Variants in HECTD4 observed in about 807,000 individuals in gnomAD.
HECTD4 encodes HECT domain E3 ubiquitin protein ligase 4.
Under a neutral mutation model 471.5 loss-of-function variants are expected in HECTD4, and 114 were observed. The ratio of observed to expected loss-of-function variants is 0.24; its 90% CI spans 0.21 to 0.28. The LOEUF (loss-of-function observed/expected upper bound fraction) is 0.28. HECTD4 is among the 10% of genes least tolerant of loss of function. The pLI is 1.00. For missense variants in HECTD4, 3,866 were observed against 5,651.5 expected (o/e 0.68, Z 10.13); for synonymous variants, 2,012 against 2,256.0 (o/e 0.89, Z 3.07).
intron 43 of HECTD4, among the ~76,000 whole-genome samples, chr12:112,227,375 G>A (rs988829540): frequency 1.3e-5 from 2 of 152,082 alleles, no homozygotes; most frequent in South Asian, 4.2e-4. Flanking sequence ...CAGGAGAATC[G>A]CTTGAACTAG....
At chr12:112,317,381 T>C (rs2035500495) in intron 2 of HECTD4, among the ~76,000 whole-genome samples, 1 of 152,180 alleles carries the variant, frequency 6.6e-6, no homozygotes, top group African/African-American at 2.4e-5. Context: ...ATTCAATCAT[T>C]TGAAGGTCAA....
chr12:112,324,382 A>G (rs1030111700), intron 1 of HECTD4, among the ~76,000 whole-genome samples: 2 of 151,790 alleles, frequency 1.3e-5, no homozygotes, highest in African/African-American at 4.8e-5. Flanking sequence ...AGCCTCCCAA[A>G]GTGCTAAGAG....
Position 112,162,526 on chromosome 12 carries a change from A to G in HECTD4, c.13121-3T>C, listed in dbSNP as rs1337389291. ...GATGTAGCGAGAGTCTGGGGAACCT[A>G]CAAGAAACCGAGCCAGCATCAGAGG... On this transcript the variant is annotated splice_region_variant and splice_polypyrimidine_tract_variant and intron_variant, in intron 75 of 75. Transcript: ENST00000682272. This position sits in a 1 kb window ranked among gnomAD's most constrained non-coding sequence, Gnocchi z 5.2. The G allele has an allele frequency of 6.2e-7, 1 of 1,613,956 alleles. No individual in the cohort carries two copies. Among genetic ancestry groups the G allele is most frequent in the East Asian group, 2.2e-5 (1 of 44,866 alleles).
At chr12:112,296,357 G>T (rs1036308239) in intron 7 of HECTD4, among the ~76,000 whole-genome samples, 3 of 151,550 alleles carry the variant, frequency 2.0e-5, no homozygotes, top group African/African-American at 7.3e-5. Flanking sequence ...GAGGGTATAG[G>T]CGCAGCAAGT....
rs764894444 is a variant in HECTD4 at position 112,248,280 on chromosome 12, C to T, written c.4143+40G>A. On this transcript the variant is annotated intron_variant, in intron 26 of 75. Coordinates refer to ENST00000682272, the MANE Select transcript of HECTD4 (RefSeq NM_001388303.1). ...TCACATTCTAAATTTCTTTAAATTT[C>T]CATAAAAGAAATTGTTTCCAACAGT... 1.8e-5 allele frequency: 28 copies of T among 1,534,986 alleles called. No individual in the cohort carries two copies. The South Asian group carries it at 3.3e-4, about 18-fold the overall frequency.
At chr12:112,237,546 G>C (rs1043032915) in intron 34 of HECTD4, among the ~76,000 whole-genome samples, 1 of 151,768 alleles carries the variant, frequency 6.6e-6, no homozygotes, top group Non-Finnish European at 1.5e-5. Context: ...CTTTTAGATC[G>C]CTGAGTCTAC....
intron 34 of HECTD4, among the ~76,000 whole-genome samples, chr12:112,237,630 C>G (rs1450577036): frequency 2.6e-5 from 4 of 152,202 alleles, no homozygotes; most frequent in Non-Finnish European, 4.4e-5. Context: ...CTCTGGGAAG[C>G]TTTGCTGGAT....
At chr12:112,245,727 A>C (rs566731289) in intron 29 of HECTD4, among the ~76,000 whole-genome samples, 3 of 152,362 alleles carry the variant, frequency 2.0e-5, no homozygotes, top group South Asian at 2.1e-4. Context: ...ATTTAACTTT[A>C]TCTCTCAGGT....
Position 112,382,157 on chromosome 12 carries a change from A to C in HECTD4, c.-29T>G, listed in dbSNP as rs1280459240. ...CCCGGCTGAAGGCTTGGCGCTGAGG[A>C]GCAGACGCCCGGCCGGGGGAAACGG... is the stretch of plus-strand genomic sequence containing the variant. On this transcript the variant is annotated 5_prime_UTR_variant, in exon 1 of 76. Coordinates refer to ENST00000682272, the MANE Select transcript of HECTD4 (RefSeq NM_001388303.1). 4.1e-6 allele frequency: 5 copies of C among 1,213,204 alleles called. No homozygotes were observed. Among genetic ancestry groups the C allele is most frequent in the African/African-American group, 1.6e-5 (1 of 61,714 alleles). The allele number at this position is 1,213,204 out of a possible 1,614,324, so 75.2% of individuals were successfully genotyped here. A position where few individuals can be genotyped will look rare whatever the true frequency, so the allele number is the denominator to read the frequency against.
intron 7 of HECTD4, among the ~76,000 whole-genome samples, chr12:112,304,120 C>T (rs904174223): frequency 6.0e-5 from 9 of 148,842 alleles, no homozygotes; most frequent in African/African-American, 2.2e-4. Flanking sequence ...AGCCTGTATC[C>T]AAAAAGAAAA....
At chr12:112,206,173 C>T (rs925317130) in intron 52 of HECTD4, among the ~76,000 whole-genome samples, 1 of 152,018 alleles carries the variant, frequency 6.6e-6, no homozygotes, top group African/African-American at 2.4e-5. Context: ...TGCCTTAGGC[C>T]CCACAGTGCC....
chr12:112,287,789 C>G (rs1193134270), intron 7 of HECTD4, among the ~76,000 whole-genome samples: 2 of 152,166 alleles, frequency 1.3e-5, no homozygotes, highest in South Asian at 2.1e-4. Context: ...AGAAGATTCT[C>G]AAGCAGGAAT....
intron 1 of HECTD4, among the ~76,000 whole-genome samples, chr12:112,343,894 C>T (rs1419220145): frequency 6.6e-6 from 1 of 152,002 alleles, no homozygotes; most frequent in Non-Finnish European, 1.5e-5. Context: ...AAGCTGAGGC[C>T]AGATATTGAG....
chr12:112,163,041 C>T lies in HECTD4; in HGVS notation c.13120+1G>A. 6.2e-7 allele frequency: 1 copy of T among 1,603,328 alleles called. No individual in the cohort carries two copies. ...GGGACATGGCCAGGGGAGGGCGGTA[C>T]CTGCTGTGCCATCTGGGGGGGCGAT... On this transcript the variant is annotated splice_donor_variant, in intron 75 of 75. Transcript: ENST00000682272. LOFTEE classifies it high-confidence loss of function. The surrounding 1 kb of genome is among the most constrained non-coding windows in gnomAD (Gnocchi z 8.2).
chr12:112,379,677 G>C (rs1028408605), intron 1 of HECTD4, among the ~76,000 whole-genome samples: 2 of 151,768 alleles, frequency 1.3e-5, no homozygotes, highest in Non-Finnish European at 2.9e-5. Flanking sequence ...CTGGGCAACA[G>C]AGAGAGACCC....
intron 38 of HECTD4, 52 bp downstream of exon 38, chr12:112,232,952 T>C (rs2033417941): frequency 7.0e-7 from 1 of 1,436,128 alleles, no homozygotes. Flanking sequence ...ATCTAAAGCA[T>C]GACAAATACT....
At chr12:112,303,202 C>CA (rs961368136) in intron 7 of HECTD4, among the ~76,000 whole-genome samples, 3 of 152,234 alleles carry the variant, frequency 2.0e-5, no homozygotes, top group Admixed American at 6.5e-5. Flanking sequence ...CATCTGAATG[C>CA]AAATGTGTGA....
intron 8 of HECTD4, among the ~76,000 whole-genome samples, chr12:112,280,055 T>G (rs1442108873): frequency 5.4e-5 from 8 of 146,874 alleles, no homozygotes; most frequent in African/African-American, 1.2e-4. Context: ...AAGATCTTGG[T>G]TTTTTTTTCC....
chr12:112,330,548 GCT>G (rs955930719), intron 1 of HECTD4, among the ~76,000 whole-genome samples: 2 of 152,124 alleles, frequency 1.3e-5, no homozygotes, highest in African/African-American at 4.8e-5. Context: ...AAACTGAACA[GCT>G]CTGATACGTG....
Sources: gnomAD v4.1 joint callset for allele counts (sites outside exome capture counted in the v4.1 genomes callset) on GRCh38, gnomAD v4.1.1 for gene constraint, Gnocchi (gnomAD v3.1) non-coding constraint, MANE v1.5 for transcripts, NCBI Gene and HGNC (gene_info 2026-07-23, HGNC 2026-07-21) for gene names.